Variants in SV2C observed in about 807,000 individuals in gnomAD.
The protein encoded by SV2C is solute carrier family 22 member B3.
A neutral mutation model predicts 79.7 loss-of-function variants in SV2C; 49 were observed. The ratio of observed to expected loss-of-function variants is 0.61; its 90% CI spans 0.49 to 0.78. The LOEUF (loss-of-function observed/expected upper bound fraction) is 0.78, where lower values mean the gene tolerates loss of function less well. SV2C is among the 30% of genes least tolerant of loss of function. SV2C has a pLI of 0.00. For synonymous variants in SV2C, 334 were observed against 333.2 expected, an observed-to-expected ratio of 1.00 and a Z score of -0.03; for missense variants, 833 against 912.9, an observed-to-expected ratio of 0.91 and a Z score of 1.13.
intron 3 of SV2C, among the ~76,000 whole-genome samples, chr5:76,196,148 A>T (rs1245645577): frequency 6.6e-6 from 1 of 152,216 alleles, no homozygotes; most frequent in Non-Finnish European, 1.5e-5. Context: ...AAGAGGTCAG[A>T]GGACTATAGC....
chr5:76,244,113 T>A (rs1745875957), intron 4 of SV2C, among the ~76,000 whole-genome samples: 1 of 152,234 alleles, frequency 6.6e-6, no homozygotes, highest in Non-Finnish European at 1.5e-5. Context: ...ACATTCAATA[T>A]GGCATCTTCA....
chr5:75,980,720 TAA>T, the SV2C span, among the ~76,000 whole-genome samples: 1 of 152,050 alleles, frequency 6.6e-6, no homozygotes. Context: ...CTCAAAATAA[TAA>T]GAGCCATATA....
the SV2C span, among the ~76,000 whole-genome samples, chr5:76,025,014 C>A: frequency 1.3e-5 from 2 of 152,132 alleles, no homozygotes; most frequent in Admixed American, 1.3e-4. Flanking sequence ...CCTTTCCTTA[C>A]CCAGTGCTGC....
the SV2C span, among the ~76,000 whole-genome samples, chr5:76,062,555 T>C: frequency 6.6e-6 from 1 of 152,104 alleles, no homozygotes; most frequent in Non-Finnish European, 1.5e-5. Flanking sequence ...GTACTTTGAT[T>C]TGTGGCAGCA....
the SV2C span, among the ~76,000 whole-genome samples, chr5:75,876,631 T>G: frequency 6.6e-6 from 1 of 152,022 alleles, no homozygotes; most frequent in East Asian, 1.9e-4. Flanking sequence ...GGGGTATAGT[T>G]GGGTTTGTAA....
the SV2C span, among the ~76,000 whole-genome samples, chr5:75,884,192 C>T: frequency 6.6e-6 from 1 of 152,098 alleles, no homozygotes; most frequent in Non-Finnish European, 1.5e-5. Flanking sequence ...TTTTGAGAAA[C>T]ACCAAAGGGG....
At chr5:75,901,668 TTGTC>T in the SV2C span, among the ~76,000 whole-genome samples, 1 of 152,232 alleles carries the variant, frequency 6.6e-6, no homozygotes, top group Non-Finnish European at 1.5e-5. Context: ...GTCTTTTTCT[TTGTC>T]TGTGCCCTGC....
At chr5:75,877,446 A>G in the SV2C span, among the ~76,000 whole-genome samples, 143 of 152,192 alleles carry the variant, frequency 9.4e-4, 1 homozygote, top group African/African-American at 3.2e-3. Context: ...ACTCCATGCA[A>G]CAACAGAATA....
At chr5:76,086,441 G>T (rs753949237) in intron 1 of SV2C, among the ~76,000 whole-genome samples, 50 of 152,336 alleles carry the variant, frequency 3.3e-4, no homozygotes, top group South Asian at 4.1e-4. Context: ...ATTTCTGTGA[G>T]TAGTGAAAGC....
intron 1 of SV2C, among the ~76,000 whole-genome samples, chr5:76,121,752 T>C (rs910217693): frequency 1.3e-5 from 2 of 151,968 alleles, no homozygotes; most frequent in Non-Finnish European, 2.9e-5. Context: ...ACCAGTACCA[T>C]GCTGTTTTGG....
At position 76,175,231 on chromosome 5, in the gene SV2C, G is replaced by T. The variant is rs529236981; in HGVS notation, c.581-19688G>T. ...AGCTCTTCTTTGCTAGATAAAGTGT[G>T]GGGGAGTCTTTGGCTCCCCCTGGAG... On this transcript the variant is annotated intron_variant, in intron 2 of 12. Transcript: ENST00000502798. Among the ~76,000 whole-genome samples the T allele has an allele frequency of 3.3e-5, 5 of 152,298 alleles. No individual in the cohort carries two copies. The East Asian group carries it at 7.7e-4, about 24-fold the overall frequency.
intron 2 of SV2C, among the ~76,000 whole-genome samples, chr5:76,167,574 C>G (rs1743080971): frequency 6.6e-6 from 1 of 152,186 alleles, no homozygotes; most frequent in Non-Finnish European, 1.5e-5. Context: ...CAGTTCTAAG[C>G]ACTTTATAAG....
At chr5:75,884,925 A>G in the SV2C span, among the ~76,000 whole-genome samples, 1 of 152,162 alleles carries the variant, frequency 6.6e-6, no homozygotes, top group Non-Finnish European at 1.5e-5. Flanking sequence ...ATAATGATAA[A>G]ATAAACCTTT....
At chr5:76,065,433 C>T in the SV2C span, among the ~76,000 whole-genome samples, 1 of 152,110 alleles carries the variant, frequency 6.6e-6, no homozygotes, top group Non-Finnish European at 1.5e-5. Context: ...TTTATCTTAG[C>T]TTCCTCTTCA....
chr5:76,155,785 A>C (rs1231802116), intron 2 of SV2C, among the ~76,000 whole-genome samples: 1 of 151,974 alleles, frequency 6.6e-6, no homozygotes, highest in African/African-American at 2.4e-5. Flanking sequence ...CTTAGAGAGA[A>C]GCATACCATT....
At chr5:76,137,159 A>G (rs1749096597) in intron 2 of SV2C, among the ~76,000 whole-genome samples, 1 of 152,212 alleles carries the variant, frequency 6.6e-6, no homozygotes, top group Admixed American at 6.5e-5. Context: ...GAATGAGATA[A>G]TATATGTATA....
At chr5:76,284,396 T>C (rs909351938) in intron 4 of SV2C, among the ~76,000 whole-genome samples, 2 of 152,104 alleles carry the variant, frequency 1.3e-5, no homozygotes, top group African/African-American at 4.8e-5. Context: ...TTCCTAATAA[T>C]TGTACTGGTC....
chr5:76,157,410 A>G (rs1228481180), intron 2 of SV2C, among the ~76,000 whole-genome samples: 11 of 151,542 alleles, frequency 7.3e-5, no homozygotes, highest in Non-Finnish European at 1.2e-4. Context: ...AAGAAATGCT[A>G]AAGTTATTTA....
the SV2C span, among the ~76,000 whole-genome samples, chr5:75,865,007 G>T: frequency 6.6e-6 from 1 of 152,208 alleles, no homozygotes; most frequent in Non-Finnish European, 1.5e-5. Flanking sequence ...TTCACAGAAA[G>T]CTCCAGAGGG....
Sources: allele counts gnomAD v4.1 joint callset (sites outside exome capture counted in the v4.1 genomes callset), GRCh38; gene constraint gnomAD v4.1.1; transcripts MANE v1.5; gene names NCBI Gene and HGNC (gene_info 2026-07-23, HGNC 2026-07-21).